The following DNAJC1 variants were observed in gnomAD, a reference collection of about 807,000 sequenced individuals.
DNAJC1 encodes DnaJ heat shock protein family (Hsp40) member C1.
In DNAJC1, 58 loss-of-function variants were observed where a neutral mutation model predicts 76.6. The ratio of observed to expected loss-of-function variants is 0.76; its 90% CI spans 0.61 to 0.94. The LOEUF is 0.94. Ranked by LOEUF, DNAJC1 falls within the 40% of genes least tolerant of loss-of-function variation. The pLI, the probability that DNAJC1 is intolerant of heterozygous loss-of-function variation, is 0.00. For missense variants in DNAJC1, 689 were observed against 677.3 expected (o/e 1.02, Z -0.19); for synonymous variants, 258 against 267.9 (o/e 0.96, Z 0.36).
chr10:21,845,640 G>A (rs1183369506), intron 8 of DNAJC1, among the ~76,000 whole-genome samples: 1 of 152,092 alleles, frequency 6.6e-6, no homozygotes, highest in African/African-American at 2.4e-5. Flanking sequence ...CCCTGCCTAG[G>A]ACATTAATTT....
intron 8 of DNAJC1, among the ~76,000 whole-genome samples, chr10:21,830,238 T>G (rs1169443897): frequency 2.6e-5 from 4 of 152,236 alleles, no homozygotes; most frequent in Non-Finnish European, 4.4e-5. Flanking sequence ...ACATTCAATT[T>G]TCTTCTTGCT....
chr10:21,774,951 T>C (rs1230862193), intron 9 of DNAJC1, among the ~76,000 whole-genome samples: 2 of 152,166 alleles, frequency 1.3e-5, no homozygotes, highest in Non-Finnish European at 2.9e-5. Flanking sequence ...CCTGATACAT[T>C]GTCAAGAACA....
chr10:21,900,851 T>C (rs148370190), intron 7 of DNAJC1, among the ~76,000 whole-genome samples: 2 of 152,328 alleles, frequency 1.3e-5, no homozygotes, highest in East Asian at 3.9e-4. Context: ...GGCAAAGTGT[T>C]CTAACCTAAA....
intron 11 of DNAJC1, 36 bp from the exon 12 acceptor site, chr10:21,756,791 C>T (rs763013301): frequency 7.4e-5 from 118 of 1,599,440 alleles, no homozygotes; most frequent in South Asian, 4.2e-4. Flanking sequence ...AGAACAGTCA[C>T]TTGCACAAGT....
chr10:21,837,995 G>C (rs1226657406), intron 8 of DNAJC1, among the ~76,000 whole-genome samples: 1 of 147,894 alleles, frequency 6.8e-6, no homozygotes, highest in Non-Finnish European at 1.5e-5. Flanking sequence ...CAGCCGCCCC[G>C]GCTGGGAGGT....
At chr10:21,769,071 A>G (rs1304883472) in intron 9 of DNAJC1, among the ~76,000 whole-genome samples, 1 of 152,066 alleles carries the variant, frequency 6.6e-6, no homozygotes, top group Admixed American at 6.5e-5. Flanking sequence ...GGCCTCTCCT[A>G]TATACTCCTG....
chr10:21,807,674 A>AT (rs1834901064), intron 8 of DNAJC1, among the ~76,000 whole-genome samples: 1 of 152,180 alleles, frequency 6.6e-6, no homozygotes, highest in Non-Finnish European at 1.5e-5. Flanking sequence ...AGTAGGGAGG[A>AT]TTTTATCAAT....
At chr10:21,903,758 C>G (rs1005900699) in intron 7 of DNAJC1, among the ~76,000 whole-genome samples, 4 of 152,178 alleles carry the variant, frequency 2.6e-5, no homozygotes, top group African/African-American at 9.6e-5. Flanking sequence ...TGGGACACAA[C>G]AGTGAACAAA....
At chr10:21,925,391 T>TG (rs1837111220) in intron 3 of DNAJC1, among the ~76,000 whole-genome samples, 1 of 152,146 alleles carries the variant, frequency 6.6e-6, no homozygotes, top group Non-Finnish European at 1.5e-5. Context: ...TATATGTTCT[T>TG]GGGGGAGAAA....
At chr10:21,994,708 A>G (rs1838386201) in intron 1 of DNAJC1, among the ~76,000 whole-genome samples, 2 of 151,862 alleles carry the variant, frequency 1.3e-5, no homozygotes, top group Admixed American at 1.3e-4. Flanking sequence ...GGAGAATGGC[A>G]TGAATCCGGG....
chr10:21,780,223 C>T (rs1013837052), intron 9 of DNAJC1, among the ~76,000 whole-genome samples: 4 of 152,256 alleles, frequency 2.6e-5, no homozygotes, highest in Admixed American at 2.0e-4. Flanking sequence ...GGCCAACATT[C>T]AAATTCAGGA....
Position 22,003,372 on chromosome 10 carries a change from C to A in DNAJC1, c.63G>T (p.Pro21=). Residue 21 remains proline (P), a synonymous_variant, in exon 1 of 12, where the codon CCG becomes CCT. Transcript: ENST00000376980. ...GCGTCCGCGGCGGCGGCGGCGGGAACGGCACCAGCCCGAGCTGGCGGCGTC... is the reference window on the plus strand; with the variant it reads ...GCGTCCGCGGCGGCGGCGGCGGGAAAGGCACCAGCCCGAGCTGGCGGCGTC... The part of the protein sequence containing the change: ...LPGRRQLGLV[P]FPPPPPRTPL... 5 of 1,387,994 alleles carry A rather than the reference C, an allele frequency of 3.6e-6. No individual in the cohort carries two copies. Among genetic ancestry groups the A allele is most frequent in the Non-Finnish European group, 4.7e-6 (5 of 1,074,688 alleles). The allele number at this position is 1,387,994 out of a possible 1,614,324, so 86.0% of individuals were successfully genotyped here. A position where few individuals can be genotyped will look rare whatever the true frequency, so the allele number is the denominator to read the frequency against.
At chr10:21,878,809 T>C (rs562657415) in intron 8 of DNAJC1, among the ~76,000 whole-genome samples, 1 of 152,250 alleles carries the variant, frequency 6.6e-6, no homozygotes, top group South Asian at 2.1e-4. Flanking sequence ...ACTCCAAAAA[T>C]TGAAATTTAC....
At chr10:21,817,648 A>G (rs1455300328) in intron 8 of DNAJC1, among the ~76,000 whole-genome samples, 1 of 152,258 alleles carries the variant, frequency 6.6e-6, no homozygotes, top group African/African-American at 2.4e-5. Context: ...CTGCAAAAAA[A>G]TTTAAGAATA....
In DNAJC1 at chr10:21,882,461, C is replaced by T. The variant is rs372505311; in HGVS notation, c.821-22G>A. On this transcript the variant is annotated intron_variant, in intron 7 of 11. Coordinates refer to ENST00000376980, the MANE Select transcript of DNAJC1 (RefSeq NM_022365.4). ...TGTTCTAAAAAATGTTTAAAAGAAC[C>T]AATTATTGAGATTTTTAAAGAATAA... The T allele has an allele frequency of 8.7e-4, 1,214 of 1,402,010 alleles. 1 individual carries two copies. The highest frequency in any genetic ancestry group is 2.3e-3 in the Middle Eastern group (12 of 5,238). 86.8% of individuals were successfully genotyped at this position (1,402,010 alleles called of 1,614,324 possible). A position where few individuals can be genotyped will look rare whatever the true frequency, so the allele number is the denominator to read the frequency against.
At chr10:21,771,721 C>T (rs1332510039) in intron 9 of DNAJC1, among the ~76,000 whole-genome samples, 1 of 152,182 alleles carries the variant, frequency 6.6e-6, no homozygotes, top group Non-Finnish European at 1.5e-5. Context: ...TGATCTTGAA[C>T]TGCTGACCTC....
intron 8 of DNAJC1, among the ~76,000 whole-genome samples, chr10:21,811,807 C>A (rs1039275067): frequency 7.2e-5 from 11 of 152,164 alleles, no homozygotes; most frequent in Middle Eastern, 3.4e-3. Context: ...GTTTTAATTT[C>A]TCACATATAA....
At chr10:21,945,111 T>C (rs1476148920) in intron 1 of DNAJC1, among the ~76,000 whole-genome samples, 1 of 152,196 alleles carries the variant, frequency 6.6e-6, no homozygotes, top group Non-Finnish European at 1.5e-5. Context: ...TGAAGGATAT[T>C]GCTTAAAGAA....
intron 1 of DNAJC1, among the ~76,000 whole-genome samples, chr10:21,993,952 A>G (rs1167119308): frequency 6.6e-6 from 1 of 152,184 alleles, no homozygotes; most frequent in Non-Finnish European, 1.5e-5. Flanking sequence ...AAGTAGTCCA[A>G]GAGTCATTTG....
Sources: gnomAD v4.1 joint callset for allele counts (sites outside exome capture counted in the v4.1 genomes callset) on GRCh38, gnomAD v4.1.1 for gene constraint, MANE v1.5 for transcripts, NCBI Gene and HGNC (gene_info 2026-07-23, HGNC 2026-07-21) for gene names.